LRRC7: variants seen among roughly 807,000 people sequenced by gnomAD.
LRRC7 encodes leucine-rich repeat-containing protein 7.
A neutral mutation model predicts 175.7 loss-of-function variants in LRRC7; 23 were observed. The ratio of observed to expected loss-of-function variants is 0.13; its 90% CI spans 0.09 to 0.19. The LOEUF (loss-of-function observed/expected upper bound fraction) is 0.19. LRRC7 is among the 10% of genes least tolerant of loss of function. The probability of loss-of-function intolerance (pLI) is 1.00; values close to 1 mark genes in which losing one functional copy is unlikely to be tolerated. For missense variants in LRRC7, 1,354 were observed against 1,904.7 expected (o/e 0.71, Z 5.38); for synonymous variants, 685 against 680.9 (o/e 1.01, Z -0.09).
In LRRC7 at chr1:70,137,871, T is replaced by C. The variant is rs780699149; in HGVS notation, c.*15984T>C. Among the ~76,000 whole-genome samples, 2 of 152,368 alleles carry C rather than the reference T, an allele frequency of 1.3e-5. No individual in the cohort carries two copies. The highest frequency in any genetic ancestry group is 3.4e-3 in the Middle Eastern group (1 of 294). ...ACTTATTCTAAGGGAAGAATCTCTT[T>C]AGAGATTACATTACACCAGCAAGAG... On this transcript the variant is annotated 3_prime_UTR_variant, in exon 27 of 27. Transcript: ENST00000651989.
At position 70,130,635 on chromosome 1, in the gene LRRC7, A is replaced by G. The variant is rs1421252007; in HGVS notation, c.*8748A>G. Among the ~76,000 whole-genome samples, 1 of 152,230 alleles carries G rather than the reference A, an allele frequency of 6.6e-6. No homozygotes were observed. The highest frequency in any genetic ancestry group is 1.5e-5 in the Non-Finnish European group (1 of 68,042). The stretch of plus-strand genomic sequence containing the variant: ...TTAACACTATCCAAAAAGTAACACC[A>G]TTCAAAAAGTTTAAGAAGTGGCTTT... On this transcript the variant is annotated 3_prime_UTR_variant, in exon 27 of 27. Transcript: ENST00000651989.
chr1:69,966,910 A>G (rs1394335952), intron 8 of LRRC7, among the ~76,000 whole-genome samples: 2 of 152,250 alleles, frequency 1.3e-5, no homozygotes, highest in Non-Finnish European at 2.9e-5. Flanking sequence ...GGAAACCTCC[A>G]GTTGAACTTT....
chr1:69,902,953 G>T (rs541771491), intron 7 of LRRC7, among the ~76,000 whole-genome samples: 11 of 152,138 alleles, frequency 7.2e-5, no homozygotes, highest in Non-Finnish European at 1.6e-4. Flanking sequence ...GTCTCGTTTA[G>T]ATTTCTTACC....
At chr1:69,943,324 A>C (rs1004075568) in intron 8 of LRRC7, among the ~76,000 whole-genome samples, 2 of 152,150 alleles carry the variant, frequency 1.3e-5, no homozygotes, top group African/African-American at 4.8e-5. Context: ...AAACCTTGAA[A>C]ACATTATGCC....
At chr1:70,111,352 T>G (rs938317556) in intron 26 of LRRC7, among the ~76,000 whole-genome samples, 6 of 152,210 alleles carry the variant, frequency 3.9e-5, no homozygotes, top group Non-Finnish European at 8.8e-5. Context: ...TGTTGTACTA[T>G]TCATTTTCCC....
Position 70,122,814 on chromosome 1 carries a change from G to A in LRRC7, c.*927G>A, listed in dbSNP as rs1666279293. 6.6e-6 allele frequency: 1 copy of A among 152,440 alleles called. No individual in the cohort carries two copies. The highest frequency in any genetic ancestry group is 2.4e-5 in the African/African-American group (1 of 41,436). The allele number at this position is 152,440 out of a possible 1,614,324, so 9.4% of individuals were successfully genotyped here. On this transcript the variant is annotated 3_prime_UTR_variant, in exon 27 of 27. Transcript: ENST00000651989. ...TTACTTGTAAATGTGGAATTTATTTGTGTGTTGCTTAATCTAATTTGCTGC... is the reference window on the plus strand; with the variant it reads ...TTACTTGTAAATGTGGAATTTATTTATGTGTTGCTTAATCTAATTTGCTGC...
intron 12 of LRRC7, 74 bp from the exon 13 acceptor site, chr1:70,012,899 TA>T (rs960383293): frequency 4.5e-5 from 33 of 732,070 alleles, no homozygotes; most frequent in Non-Finnish European, 5.8e-5. Context: ...TAAATTGTTT[TA>T]AAAATTAGAA....
At chr1:69,635,323 G>A (rs1653157533) in intron 1 of LRRC7, among the ~76,000 whole-genome samples, 1 of 152,078 alleles carries the variant, frequency 6.6e-6, no homozygotes, top group Non-Finnish European at 1.5e-5. Context: ...CTTAGCGAAA[G>A]TGATTAATCC....
chr1:70,069,050 C>T (rs1020345761), intron 23 of LRRC7, among the ~76,000 whole-genome samples: 1 of 152,072 alleles, frequency 6.6e-6, no homozygotes, highest in East Asian at 1.9e-4. Flanking sequence ...TAGGGCTGTT[C>T]AAGTTATCTA....
intron 23 of LRRC7, among the ~76,000 whole-genome samples, chr1:70,071,165 G>A (rs1662357538): frequency 6.6e-6 from 1 of 152,090 alleles, no homozygotes; most frequent in Admixed American, 6.5e-5. Context: ...CTATCCATTG[G>A]TTAGAGAGAG....
At position 70,135,042 on chromosome 1, in the gene LRRC7, T is replaced by C. The variant is rs138923314; in HGVS notation, c.*13155T>C. On this transcript the variant is annotated 3_prime_UTR_variant, in exon 27 of 27. Coordinates refer to ENST00000651989, the MANE Select transcript of LRRC7 (RefSeq NM_001370785.2). Reference sequence around the variant, plus strand: ...ACTAGAATGAAAATTACATAGAATTTTACTGAAGAGTATAAGAGAAAACGT... The same window carrying C: ...ACTAGAATGAAAATTACATAGAATTCTACTGAAGAGTATAAGAGAAAACGT... Among the ~76,000 whole-genome samples, 4 of 152,252 alleles carry C rather than the reference T, an allele frequency of 2.6e-5. No homozygotes were observed. Among genetic ancestry groups the C allele is most frequent in the Non-Finnish European group, 5.9e-5 (4 of 68,044 alleles).
Position 69,568,008 on chromosome 1 carries a change from A to T in LRRC7, c.-632A>T, listed in dbSNP as rs1646397325. Among the ~76,000 whole-genome samples the T allele has an allele frequency of 6.6e-6, 1 of 152,076 alleles. No homozygotes were observed. Among genetic ancestry groups the T allele is most frequent in the Admixed American group, 6.5e-5 (1 of 15,288 alleles). ...ACCGGGCTTGAAGCCACGGACACCCAGCCCCAGTGCAGCGGGTTCTCGCCG... is the reference window on the plus strand; with the variant it reads ...ACCGGGCTTGAAGCCACGGACACCCTGCCCCAGTGCAGCGGGTTCTCGCCG... On this transcript the variant is annotated 5_prime_UTR_variant, in exon 1 of 27. Transcript: ENST00000651989.
chr1:69,764,770 T>TAGATAGATAGATAGATAGATAGAC (rs1671439431), intron 3 of LRRC7, among the ~76,000 whole-genome samples: 1 of 150,320 alleles, frequency 6.7e-6, no homozygotes, highest in East Asian at 2.0e-4. Context: ...GATAGATAGA[T>TAGATAGATAGATAGATAGATAGAC]AGATAGATAG....
At chr1:69,797,213 G>T (rs545004353) in intron 4 of LRRC7, among the ~76,000 whole-genome samples, 1 of 152,240 alleles carries the variant, frequency 6.6e-6, no homozygotes, top group Non-Finnish European at 1.5e-5. Flanking sequence ...GGAAAAGATA[G>T]AAATGACACT....
intron 2 of LRRC7, among the ~76,000 whole-genome samples, chr1:69,689,993 C>T (rs1264119183): frequency 6.6e-6 from 1 of 152,106 alleles, no homozygotes; most frequent in Non-Finnish European, 1.5e-5. Context: ...CAAGTTAATG[C>T]AAATTTGGTA....
intron 8 of LRRC7, among the ~76,000 whole-genome samples, chr1:69,976,858 A>G (rs2101880065): frequency 7.1e-6 from 1 of 141,202 alleles, no homozygotes; most frequent in Non-Finnish European, 1.6e-5. Flanking sequence ...GTGAGTTTCT[A>G]CTTCCGTGAT....
intron 1 of LRRC7, among the ~76,000 whole-genome samples, chr1:69,634,630 G>A (rs1426144596): frequency 6.6e-6 from 1 of 152,080 alleles, no homozygotes; most frequent in Non-Finnish European, 1.5e-5. Flanking sequence ...AATTCCATTA[G>A]ATTTCTGTTC....
intron 1 of LRRC7, among the ~76,000 whole-genome samples, chr1:69,580,210 C>A (rs1408554550): frequency 2.0e-5 from 3 of 152,030 alleles, no homozygotes; most frequent in Non-Finnish European, 4.4e-5. Context: ...TAAGTGAAAT[C>A]CTATTCTATT....
At chr1:69,943,783 A>G (rs992970074) in intron 8 of LRRC7, among the ~76,000 whole-genome samples, 3 of 152,124 alleles carry the variant, frequency 2.0e-5, no homozygotes, top group African/African-American at 7.2e-5. Flanking sequence ...GGTAGAAGCA[A>G]CAGGATTTGT....
Sources: allele counts gnomAD v4.1 joint callset (sites outside exome capture counted in the v4.1 genomes callset), GRCh38; gene constraint gnomAD v4.1.1; transcripts MANE v1.5; gene names NCBI Gene and HGNC (gene_info 2026-07-23, HGNC 2026-07-21).